FNIP1: variants seen among roughly 807,000 people sequenced by gnomAD.
FNIP1 encodes the protein folliculin interacting protein 1, also known as folliculin-interacting protein 1.
In FNIP1, 40 loss-of-function variants were observed where a neutral mutation model predicts 124.5. The observed-to-expected ratio is 0.32, with a 90% CI of 0.25 to 0.42. The LOEUF is 0.42. Ranked by LOEUF, FNIP1 falls within the 10% of genes least tolerant of loss-of-function variation. The pLI, the probability that FNIP1 is intolerant of heterozygous loss-of-function variation, is 1.00. For synonymous variants in FNIP1, 472 were observed against 470.6 expected, an observed-to-expected ratio of 1.00 and a Z score of -0.04; for missense variants, 1,176 against 1,403.7, an observed-to-expected ratio of 0.84 and a Z score of 2.59.
At chr5:131,722,780 G>C (rs1422344431) in intron 3 of FNIP1, among the ~76,000 whole-genome samples, 1 of 152,162 alleles carries the variant, frequency 6.6e-6, no homozygotes, top group Non-Finnish European at 1.5e-5. Context: ...CCGCCTCCTG[G>C]GTTCAAGCAA....
rs1402025157 is a variant in FNIP1, at chr5:131,672,206, A to T, written c.2238T>A (p.Ala746=). ...KIVPASFSCE[A]AQTKVTFLIG... is the part of the protein sequence containing the mutation. ...TCAGGAAAGTAACCTTTGTCTGGGC[A>T]GCCTCACAAGAAAATGAAGCAGGCA... Residue 746 remains alanine, a synonymous_variant, in exon 14 of 18, where the codon GCT becomes GCA. Coordinates refer to ENST00000510461, the MANE Select transcript of FNIP1 (RefSeq NM_133372.3). The T allele has an allele frequency of 6.2e-7, 1 of 1,614,224 alleles. No homozygotes were observed. Among genetic ancestry groups the T allele is most frequent in the Non-Finnish European group, 8.5e-7 (1 of 1,180,034 alleles).
chr5:131,782,604 A>G (rs1256605594), intron 1 of FNIP1, among the ~76,000 whole-genome samples: 5 of 146,444 alleles, frequency 3.4e-5, no homozygotes, highest in Non-Finnish European at 6.0e-5. Flanking sequence ...GAAAGGAAGG[A>G]AGGGAGGGAG....
intron 1 of FNIP1, among the ~76,000 whole-genome samples, chr5:131,756,899 GAAAGCCTT>G (rs1312907780): frequency 6.6e-6 from 1 of 152,172 alleles, no homozygotes; most frequent in African/African-American, 2.4e-5. Flanking sequence ...CAGCTGAGTG[GAAAGCCTT>G]AAATCTGTGA....
intron 17 of FNIP1, among the ~76,000 whole-genome samples, chr5:131,646,741 T>C (rs184230573): frequency 1.3e-5 from 2 of 152,212 alleles, no homozygotes; most frequent in Admixed American, 6.5e-5. Context: ...AGACTTCTGT[T>C]ACCTCAACCA....
In FNIP1 at chr5:131,698,916, C is replaced by A; in HGVS notation, c.1202+1G>T. On this transcript the variant is annotated splice_donor_variant, in intron 11 of 17. Transcript: ENST00000510461. LOFTEE classifies it high-confidence loss of function. ...ATTATGGAAAGCTGGGCAATATGTACCTGAATTCATTTAGGGCATCAACTA... is the reference window on the plus strand; with the variant it reads ...ATTATGGAAAGCTGGGCAATATGTAACTGAATTCATTTAGGGCATCAACTA... The A allele has an allele frequency of 6.2e-7, 1 of 1,605,112 alleles. No individual in the cohort carries two copies.
intron 1 of FNIP1, among the ~76,000 whole-genome samples, chr5:131,793,242 C>T (rs1012755758): frequency 2.0e-5 from 3 of 152,118 alleles, no homozygotes; most frequent in African/African-American, 7.2e-5. Context: ...CCATGTTGCC[C>T]TGGCTGGTCT....
chr5:131,734,114 C>A (rs1478832243), intron 2 of FNIP1, among the ~76,000 whole-genome samples: 5 of 152,094 alleles, frequency 3.3e-5, no homozygotes, highest in Admixed American at 3.3e-4. Flanking sequence ...AGTTTATTTG[C>A]GTAGAGGTGT....
chr5:131,745,267 C>T (rs35403253), intron 1 of FNIP1, among the ~76,000 whole-genome samples: 37,406 of 151,966 alleles, frequency 0.25, 6,079 homozygotes, highest in Non-Finnish European at 0.37. Flanking sequence ...ACCTGTAATC[C>T]CAGGACTTTG....
At chr5:131,774,638 A>C (rs1771742730) in intron 1 of FNIP1, among the ~76,000 whole-genome samples, 1 of 152,248 alleles carries the variant, frequency 6.6e-6, no homozygotes, top group South Asian at 2.1e-4. Context: ...TTTGGTCTCC[A>C]TGTTCAAGGA....
Position 131,647,182 on chromosome 5 carries a change from C to T in FNIP1, c.3330G>A (p.Arg1110=). ...TACTTTTGAAGTATAGCTCCTGCAA[C>T]CGGTCTTCAAGATGCATTACACACT... ...PNFCVMHLED[R]LQELYFKSKM... is the part of the protein sequence containing the mutation. The change falls in exon 17 of 18, where the codon CGG becomes CGA. Residue 1110 remains arginine, a synonymous_variant. Coordinates refer to ENST00000510461, the MANE Select transcript of FNIP1 (RefSeq NM_133372.3). 1.9e-6 allele frequency: 3 copies of T among 1,614,084 alleles called. No individual in the cohort carries two copies. Among genetic ancestry groups the T allele is most frequent in the Non-Finnish European group, 2.5e-6 (3 of 1,179,990 alleles).
rs1766802196 is a variant in FNIP1, at chr5:131,644,231, A to C, written c.*454T>G. 1 of 152,692 alleles carries C rather than the reference A, an allele frequency of 6.5e-6. No homozygotes were observed. The highest frequency in any genetic ancestry group is 2.4e-5 in the African/African-American group (1 of 41,462). 9.5% of individuals were successfully genotyped at this position (152,692 alleles called of 1,614,324 possible). A position where few individuals can be genotyped will look rare whatever the true frequency, so the allele number is the denominator to read the frequency against. The stretch of plus-strand genomic sequence containing the variant: ...AAATAACCAGACATTAGCTGTTTTG[A>C]ATTGCAAAACTAACAAATAATCAAG... On this transcript the variant is annotated 3_prime_UTR_variant, in exon 18 of 18. Coordinates refer to ENST00000510461, the MANE Select transcript of FNIP1 (RefSeq NM_133372.3).
At position 131,716,668 on chromosome 5, in the gene FNIP1, G is replaced by A; in HGVS notation, c.531-12C>T. The A allele has an allele frequency of 6.6e-7, 1 of 1,511,842 alleles. No homozygotes were observed. Among genetic ancestry groups the A allele is most frequent in the Non-Finnish European group, 9.0e-7 (1 of 1,114,440 alleles). The allele number at this position is 1,511,842 out of a possible 1,614,324, so 93.7% of individuals were successfully genotyped here. A position where few individuals can be genotyped will look rare whatever the true frequency, so the allele number is the denominator to read the frequency against. Reference sequence around the variant, plus strand: ...GACTATCTTGTAGCCTATGGAGGGTGAGAAGAAAATTAATTCCAAATTCAT... The same window carrying A: ...GACTATCTTGTAGCCTATGGAGGGTAAGAAGAAAATTAATTCCAAATTCAT... On this transcript the variant is annotated splice_polypyrimidine_tract_variant and intron_variant, in intron 5 of 17. Coordinates refer to ENST00000510461, the MANE Select transcript of FNIP1 (RefSeq NM_133372.3).
At position 131,679,143 on chromosome 5, in the gene FNIP1, C is replaced by T; in HGVS notation, c.1235G>A (p.Arg412Gln). 6.3e-7 allele frequency: 1 copy of T among 1,596,752 alleles called. No homozygotes were observed. Among genetic ancestry groups the T allele is most frequent in the Non-Finnish European group, 8.6e-7 (1 of 1,164,974 alleles). The change falls in exon 12 of 18, where the codon CGA becomes CAA. Residue 412 changes from arginine to glutamine, a missense_variant. Arg to Gln is a conservative substitution (Grantham distance 43). This residue lies in a region of FNIP1 where 1,109 missense variants were observed against 1,288.5 expected (regional missense o/e 0.86). Transcript: ENST00000510461. ...TTICNLYTMP[R>Q]IGEPVWLTMM... is the part of the protein sequence containing the mutation. The stretch of plus-strand genomic sequence containing the variant: ...TGTAAGCCAGACAGGTTCTCCAATT[C>T]GTGGCATCGTGTAAAGATTACAAAT...
intron 1 of FNIP1, among the ~76,000 whole-genome samples, chr5:131,795,230 A>T (rs114870778): frequency 6.6e-6 from 1 of 152,214 alleles, no homozygotes; most frequent in African/African-American, 2.4e-5. Context: ...AAAAGTATAT[A>T]GTTATCTGCA....
At chr5:131,709,308 T>C (rs772444152) in intron 7 of FNIP1, 36 bp from the exon 8 acceptor site, 4 of 1,562,160 alleles carry the variant, frequency 2.6e-6, no homozygotes, top group Non-Finnish European at 3.5e-6. Flanking sequence ...TTATAAAATA[T>C]ATTGCTATTC....
In FNIP1 at chr5:131,679,120, T is replaced by G; in HGVS notation, c.1258A>C (p.Thr420Pro). Residue 420 changes from threonine to proline, a missense_variant, in exon 12 of 18, where the codon ACA (threonine) becomes CCA (proline). Physicochemically the swap from Thr to Pro is conservative, Grantham distance 38. Around this residue, in one of 2 missense-constraint regions of FNIP1, gnomAD observed 1,109 missense variants for 1,288.5 expected, o/e 0.86. Coordinates refer to ENST00000510461, the MANE Select transcript of FNIP1 (RefSeq NM_133372.3). ...MPRIGEPVWL[T>P]MMSGTPEKNH... ...TTTTCTGGAGTCCCCGACATCATTG[T>G]AAGCCAGACAGGTTCTCCAATTCGT... 1 of 1,605,610 alleles carries G rather than the reference T, an allele frequency of 6.2e-7. No homozygotes were observed. The highest frequency in any genetic ancestry group is 8.5e-7 in the Non-Finnish European group (1 of 1,172,556).
At chr5:131,728,539 A>G (rs895146164) in intron 3 of FNIP1, among the ~76,000 whole-genome samples, 1 of 152,076 alleles carries the variant, frequency 6.6e-6, no homozygotes, top group African/African-American at 2.4e-5. Flanking sequence ...CAGGTCATTC[A>G]TGTTCTTCTC....
At chr5:131,787,341 A>C (rs1772249643) in intron 1 of FNIP1, among the ~76,000 whole-genome samples, 1 of 152,226 alleles carries the variant, frequency 6.6e-6, no homozygotes, top group Admixed American at 6.5e-5. Context: ...ATGAAGCCTG[A>C]GGACTCAGCA....
chr5:131,681,410 A>C (rs1768075019), intron 11 of FNIP1, among the ~76,000 whole-genome samples: 2 of 152,156 alleles, frequency 1.3e-5, no homozygotes. Flanking sequence ...CCTCATTCTC[A>C]ACTACAGAGC....
Sources: gnomAD v4.1 joint callset for allele counts (sites outside exome capture counted in the v4.1 genomes callset) on GRCh38, gnomAD v4.1.1 for gene constraint, gnomAD v4.1.1 regional missense constraint, MANE v1.5 for transcripts, NCBI Gene and HGNC (gene_info 2026-07-23, HGNC 2026-07-21) for gene names.